MED21: variants seen among roughly 807,000 people sequenced by gnomAD.
MED21 encodes mediator of RNA polymerase II transcription subunit 21.
In MED21, 9 loss-of-function variants were observed where a neutral mutation model predicts 18.2. The ratio of observed to expected loss-of-function variants is 0.49; its 90% CI spans 0.30 to 0.86. The LOEUF is 0.86. Ranked by LOEUF, MED21 falls within the 40% of genes least tolerant of loss-of-function variation. The probability of loss-of-function intolerance (pLI) is 0.07; values close to 1 mark genes in which losing one functional copy is unlikely to be tolerated. For synonymous variants in MED21, 73 were observed against 60.5 expected (o/e 1.21, Z -0.96); for missense variants, 150 against 170.9 (o/e 0.88, Z 0.68).
Position 27,030,087 on chromosome 12 carries a change from CGTT to C in MED21, c.*1632_*1634del, listed in dbSNP as rs570510603. 1.4e-4 allele frequency: 68 copies of C among 469,466 alleles called. No individual in the cohort carries two copies. The highest frequency in any genetic ancestry group is 9.2e-4 in the South Asian group (22 of 23,980). 29.1% of individuals were successfully genotyped at this position (469,466 alleles called of 1,614,324 possible). A position where few individuals can be genotyped will look rare whatever the true frequency, so the allele number is the denominator to read the frequency against. On this transcript the variant is annotated 3_prime_UTR_variant, in exon 4 of 4. Coordinates refer to ENST00000282892, the MANE Select transcript of MED21 (RefSeq NM_004264.5). ...TTGTTATTTGAAAGAAAAAAATTAA[CGTT>C]GTTGTATGTGATTCTCTGTAGAGGA...
rs191786278 is a variant in MED21 at position 27,029,705 on chromosome 12, T to C, written c.*1244T>C. On this transcript the variant is annotated 3_prime_UTR_variant, in exon 4 of 4. Transcript: ENST00000282892. ...TAGTCATAGAAAATTTTTGAACTTT[T>C]AACTGTATTTTAATTGATGTTTATT... 10 of 985,254 alleles carry C rather than the reference T, an allele frequency of 1.0e-5. No homozygotes were observed. Among genetic ancestry groups the C allele is most frequent in the Middle Eastern group, 5.2e-4 (1 of 1,914 alleles). The allele number at this position is 985,254 out of a possible 1,614,324, so 61.0% of individuals were successfully genotyped here. A position where few individuals can be genotyped will look rare whatever the true frequency, so the allele number is the denominator to read the frequency against.
intron 1 of MED21, among the ~76,000 whole-genome samples, chr12:27,025,282 C>T (rs1484735928): frequency 6.6e-6 from 1 of 152,128 alleles, no homozygotes; most frequent in East Asian, 1.9e-4. Flanking sequence ...ATTAGCAAAA[C>T]CTGGGCAAAG....
At position 27,029,885 on chromosome 12, in the gene MED21, A is replaced by G; in HGVS notation, c.*1424A>G. On this transcript the variant is annotated 3_prime_UTR_variant, in exon 4 of 4. Transcript: ENST00000282892. ...AGAGAAAAGGTCAAGACATTTTTCAAATGAGGGAAAACTAACAGGATTTAT... is the reference window on the plus strand; with the variant it reads ...AGAGAAAAGGTCAAGACATTTTTCAGATGAGGGAAAACTAACAGGATTTAT... 1.1e-6 allele frequency: 1 copy of G among 913,846 alleles called. No individual in the cohort carries two copies. Among genetic ancestry groups the G allele is most frequent in the Non-Finnish European group, 1.4e-6 (1 of 740,530 alleles). 56.6% of individuals were successfully genotyped at this position (913,846 alleles called of 1,614,324 possible).
chr12:27,022,591 G>C lies in MED21; in HGVS notation c.12G>C (p.Arg4=), dbSNP rs1194350674. 1.3e-6 allele frequency: 2 copies of C among 1,575,168 alleles called. No individual in the cohort carries two copies. Among genetic ancestry groups the C allele is most frequent in the Non-Finnish European group, 1.7e-6 (2 of 1,155,518 alleles). The change falls in exon 1 of 4, where the codon CGG becomes CGC. Residue 4 remains arginine, a synonymous_variant. Coordinates refer to ENST00000282892, the MANE Select transcript of MED21 (RefSeq NM_004264.5). ...GCTGCGGTAGGAACATGGCGGATCG[G>C]CTCACGCAGCTTCAGGACGCTGTGA... MAD[R]LTQLQDAVNS...
intron 3 of MED21, 47 bp downstream of exon 3, chr12:27,027,494 G>A: frequency 7.2e-7 from 1 of 1,395,262 alleles, no homozygotes; most frequent in African/African-American, 1.4e-5. Context: ...AGAGAATTTT[G>A]AATTAAAGGA....
chr12:27,033,772 A>G (rs186191718), downstream of MED21, among the ~76,000 whole-genome samples: 45 of 152,372 alleles, frequency 3.0e-4, no homozygotes, highest in African/African-American at 9.9e-4. Flanking sequence ...AGAAGAAATC[A>G]GAAAGATTAG....
rs71437317 is a variant in MED21, at chr12:27,023,300, C to CTTTTTTTTTTTTTTTTTT, written c.42+696_42+697insTTTTTTTTTTTTTTTTTT. On this transcript the variant is annotated intron_variant, in intron 1 of 3. Transcript: ENST00000282892. ...CGCTTATTTGAGTCTTTTTTCTTTT[C>CTTTTTTTTTTTTTTTTTT]TTTTTTTTTTTTTTTTTACTTTGGA... Among the ~76,000 whole-genome samples, 115 of 110,352 alleles carry CTTTTTTTTTTTTTTTTTT rather than the reference C, an allele frequency of 1.0e-3. 1 individual carries two copies. Among genetic ancestry groups the CTTTTTTTTTTTTTTTTTT allele is most frequent in the East Asian group, 2.2e-3 (8 of 3,610 alleles). The allele number at this position is 110,352 out of a possible 152,430, so 72.4% of individuals were successfully genotyped here. A position where few individuals can be genotyped will look rare whatever the true frequency, so the allele number is the denominator to read the frequency against.
chr12:27,027,346 G>A lies in MED21; in HGVS notation c.158-1G>A. On this transcript the variant is annotated splice_acceptor_variant, in intron 2 of 3. Transcript: ENST00000282892. LOFTEE classifies it high-confidence loss of function. ...CCTAATCTAGCAGTATCTTTCTCTA[G>A]AGTATGCCCAGCTTTTTGCAGCACT... 1 of 1,609,634 alleles carries A rather than the reference G, an allele frequency of 6.2e-7. No individual in the cohort carries two copies. The highest frequency in any genetic ancestry group is 8.5e-7 in the Non-Finnish European group (1 of 1,177,060).
Position 27,028,554 on chromosome 12 carries a change from CA to C in MED21, c.*94del. ...TAGATACAAGCCTTACCAACAATTA[CA>C]GAAACATTAAACACTATGACACATT... On this transcript the variant is annotated 3_prime_UTR_variant, in exon 4 of 4. Coordinates refer to ENST00000282892, the MANE Select transcript of MED21 (RefSeq NM_004264.5). 6 of 1,474,970 alleles carry C rather than the reference CA, an allele frequency of 4.1e-6. No individual in the cohort carries two copies. Among genetic ancestry groups the C allele is most frequent in the Non-Finnish European group, 5.4e-6 (6 of 1,108,104 alleles). The allele number at this position is 1,474,970 out of a possible 1,614,324, so 91.4% of individuals were successfully genotyped here. A position where few individuals can be genotyped will look rare whatever the true frequency, so the allele number is the denominator to read the frequency against.
chr12:27,027,532 C>T (rs1399917108), intron 3 of MED21, 85 bp downstream of exon 3: 10 of 912,672 alleles, frequency 1.1e-5, no homozygotes, highest in Admixed American at 1.1e-4. Context: ...TTGTCTGTGT[C>T]CATTTGTGCT....
rs531198396 is a variant in MED21, at chr12:27,030,265, G to A, written c.*1804G>A. On this transcript the variant is annotated 3_prime_UTR_variant, in exon 4 of 4. Coordinates refer to ENST00000282892, the MANE Select transcript of MED21 (RefSeq NM_004264.5). ...CCACTTCAGCCTCTTCAGTAACTGG[G>A]ACTACAGGCATGTACTACCACGTCC... 2.3e-5 allele frequency: 13 copies of A among 571,004 alleles called. No individual in the cohort carries two copies. The highest frequency in any genetic ancestry group is 3.8e-5 in the Non-Finnish European group (12 of 315,732). 35.4% of individuals were successfully genotyped at this position (571,004 alleles called of 1,614,324 possible).
At chr12:27,025,125 A>AT (rs1160272600) in intron 1 of MED21, among the ~76,000 whole-genome samples, 3 of 152,170 alleles carry the variant, frequency 2.0e-5, no homozygotes, top group African/African-American at 4.8e-5. Flanking sequence ...TGTGTTGAAT[A>AT]TTTTTTTGTG....
downstream of MED21, among the ~76,000 whole-genome samples, chr12:27,031,567 A>G (rs1418071089): frequency 2.0e-5 from 3 of 152,186 alleles, no homozygotes; most frequent in Non-Finnish European, 4.4e-5. Flanking sequence ...GGCAATGGAA[A>G]CATTATTGCT....
downstream of MED21, among the ~76,000 whole-genome samples, chr12:27,035,685 G>A (rs922251316): frequency 4.1e-5 from 6 of 148,116 alleles, no homozygotes; most frequent in African/African-American, 1.0e-4. Context: ...GAGAACATGC[G>A]GTGTTTGGTT....
In MED21 at chr12:27,026,552, G is replaced by A; in HGVS notation, c.157+18G>A. On this transcript the variant is annotated intron_variant, in intron 2 of 3. Transcript: ENST00000282892. ...TACAGAAGGTAAACAGGTTTTCTTA[G>A]CTTCTCTTAGTTTGACTCTCACATT... is the stretch of plus-strand genomic sequence containing the variant. 1 of 1,508,752 alleles carries A rather than the reference G, an allele frequency of 6.6e-7. No individual in the cohort carries two copies. Among genetic ancestry groups the A allele is most frequent in the Non-Finnish European group, 9.2e-7 (1 of 1,086,212 alleles). 93.5% of individuals were successfully genotyped at this position (1,508,752 alleles called of 1,614,324 possible).
Position 27,028,954 on chromosome 12 carries a change from T to G in MED21, c.*493T>G. 1.0e-6 allele frequency: 1 copy of G among 985,542 alleles called. No individual in the cohort carries two copies. Among genetic ancestry groups the G allele is most frequent in the Non-Finnish European group, 1.2e-6 (1 of 830,034 alleles). The allele number at this position is 985,542 out of a possible 1,614,324, so 61.0% of individuals were successfully genotyped here. A position where few individuals can be genotyped will look rare whatever the true frequency, so the allele number is the denominator to read the frequency against. On this transcript the variant is annotated 3_prime_UTR_variant, in exon 4 of 4. Transcript: ENST00000282892. ...TGGAAATTGTGTTGCTTTTAAGAAA[T>G]AGAGTTAGTGTGGCTGGATAAGAAA... is the stretch of plus-strand genomic sequence containing the variant.
At chr12:27,038,019 C>G (rs1275163841) in intron 2 of MED21, 7 of 152,168 alleles carry the variant, frequency 4.6e-5, no homozygotes, top group African/African-American at 1.7e-4. Flanking sequence ...AAAGATCAAA[C>G]TTGTTCCCTT....
intron 1 of MED21, among the ~76,000 whole-genome samples, chr12:27,024,026 T>C (rs1020730467): frequency 1.3e-5 from 2 of 152,220 alleles, no homozygotes; most frequent in African/African-American, 4.8e-5. Context: ...ACTGCTACGA[T>C]GTCACTAGGC....
intron 2 of MED21, among the ~76,000 whole-genome samples, chr12:27,035,966 G>T (rs1306158282): frequency 6.6e-6 from 1 of 152,164 alleles, no homozygotes; most frequent in East Asian, 1.9e-4. Flanking sequence ...TAGTGGGATG[G>T]CTGGGTCAAA....
Sources: allele counts gnomAD v4.1 joint callset (sites outside exome capture counted in the v4.1 genomes callset), GRCh38; gene constraint gnomAD v4.1.1; transcripts MANE v1.5; gene names NCBI Gene and HGNC (gene_info 2026-07-23, HGNC 2026-07-21).